Variants in RBFOX1 observed in about 807,000 individuals in gnomAD.
The protein encoded by RBFOX1 is RNA binding fox-1 homolog 1.
A neutral mutation model predicts 57.7 loss-of-function variants in RBFOX1; 8 were observed. The observed-to-expected ratio is 0.14, with a 90% CI of 0.08 to 0.25. The LOEUF (loss-of-function observed/expected upper bound fraction) is 0.25. RBFOX1 is among the 10% of genes least tolerant of loss of function. The probability of loss-of-function intolerance (pLI) is 1.00; values close to 1 mark genes in which losing one functional copy is unlikely to be tolerated. For synonymous variants in RBFOX1, 326 were observed against 222.4 expected (o/e 1.47, Z -4.15); for missense variants, 611 against 548.5 (o/e 1.11, Z -1.14).
At chr16:7,333,609 A>G (rs763525779) in intron 4 of RBFOX1, among the ~76,000 whole-genome samples, 1 of 152,212 alleles carries the variant, frequency 6.6e-6, no homozygotes, top group African/African-American at 2.4e-5. Flanking sequence ...ATTGATGGGT[A>G]ATTTATGAAG....
At chr16:7,140,150 TTCTCTCCCTCTC>T (rs1394175675) in intron 4 of RBFOX1, among the ~76,000 whole-genome samples, 4 of 52,622 alleles carry the variant, frequency 7.6e-5, no homozygotes, top group African/African-American at 3.4e-4. Context: ...TATTCTCTCC[TTCTCTCCCTCTC>T]TCTCTCTCTC....
chr16:7,600,911 C>G (rs1173517586), intron 9 of RBFOX1, among the ~76,000 whole-genome samples: 1 of 152,158 alleles, frequency 6.6e-6, no homozygotes, highest in Non-Finnish European at 1.5e-5. Context: ...TCTGGACATT[C>G]TATTAAAAAG....
chr16:7,187,503 C>T (rs1280455399), intron 4 of RBFOX1, among the ~76,000 whole-genome samples: 1 of 151,236 alleles, frequency 6.6e-6, no homozygotes, highest in East Asian at 2.0e-4. Flanking sequence ...TCCTGGCTAA[C>T]ACAGTGAAAC....
At chr16:6,532,097 A>G (rs1462612883) in intron 2 of RBFOX1, among the ~76,000 whole-genome samples, 1 of 152,190 alleles carries the variant, frequency 6.6e-6, no homozygotes, top group Non-Finnish European at 1.5e-5. Context: ...CCAGAAGAGC[A>G]CATCCCATTG....
chr16:7,308,737 G>C (rs1430413298), intron 4 of RBFOX1, among the ~76,000 whole-genome samples: 1 of 152,192 alleles, frequency 6.6e-6, no homozygotes, highest in African/African-American at 2.4e-5. Flanking sequence ...TCTCAGTTCA[G>C]GGAATCACCT....
At chr16:5,942,926 C>T (rs2059310679) in intron 4 of RBFOX1, among the ~76,000 whole-genome samples, 1 of 152,222 alleles carries the variant, frequency 6.6e-6, no homozygotes, top group Admixed American at 6.5e-5. Flanking sequence ...ATGTCCCTGT[C>T]TGGTGCTGAG....
chr16:7,087,974 C>T (rs536462544), intron 4 of RBFOX1, among the ~76,000 whole-genome samples: 8 of 152,206 alleles, frequency 5.3e-5, no homozygotes, highest in Admixed American at 2.0e-4. Context: ...CCAGAGTAAT[C>T]GCATTTTGTG....
chr16:6,395,990 C>A lies in RBFOX1; in HGVS notation c.-64+78933C>A, dbSNP rs6500779. Among the ~76,000 whole-genome samples, 3 of 144,270 alleles carry A rather than the reference C, an allele frequency of 2.1e-5. No individual in the cohort carries two copies. In the East Asian group the frequency reaches 6.4e-4, roughly 31 times the overall value. The allele number at this position is 144,270 out of a possible 152,430, so 94.6% of individuals were successfully genotyped here. A position where few individuals can be genotyped will look rare whatever the true frequency, so the allele number is the denominator to read the frequency against. On this transcript the variant is annotated intron_variant, in intron 2 of 15. Transcript: ENST00000550418. ...CTGAGGCAGTAGAATTACTTGAATC[C>A]GGGAGGTGGAAGTTGCAGTGAGCTG... is the stretch of plus-strand genomic sequence containing the variant.
chr16:7,690,669 C>A (rs1023507546), intron 14 of RBFOX1, among the ~76,000 whole-genome samples: 2 of 8,926 alleles, frequency 2.2e-4, no homozygotes, highest in Non-Finnish European at 2.2e-3. Context: ...TTGTTCTGAT[C>A]TTTTAATTTT....
intron 2 of RBFOX1, among the ~76,000 whole-genome samples, chr16:6,533,848 G>A (rs781513424): frequency 1.3e-5 from 2 of 152,038 alleles, no homozygotes; most frequent in African/African-American, 2.4e-5. Flanking sequence ...AACACAGTAC[G>A]TACTAAACAT....
rs1424118158 is a variant in RBFOX1, at chr16:6,478,412, TATATATATATATATA to T, written c.-64+161356_-64+161370del. The stretch of plus-strand genomic sequence containing the variant: ...TAATATATATATATATATATATATA[TATATATATATATATA>T]TATTTTTTTTTTTTTTTTTTGTATT... On this transcript the variant is annotated intron_variant, in intron 2 of 15. Transcript: ENST00000550418. Among the ~76,000 whole-genome samples the T allele has an allele frequency of 1.5e-3, 35 of 24,058 alleles. 1 individual carries two copies. Among genetic ancestry groups the T allele is most frequent in the African/African-American group, 3.6e-3 (16 of 4,464 alleles). The allele number at this position is 24,058 out of a possible 152,430, so 15.8% of individuals were successfully genotyped here. A position where few individuals can be genotyped will look rare whatever the true frequency, so the allele number is the denominator to read the frequency against.
chr16:7,661,654 T>C (rs1197167294), intron 12 of RBFOX1, among the ~76,000 whole-genome samples: 8 of 152,228 alleles, frequency 5.3e-5, no homozygotes, highest in Admixed American at 5.2e-4. Context: ...CTGTACACTC[T>C]GGGAGGGCAG....
chr16:7,504,737 A>ATTTATATATATATATATT (rs1555526321), intron 4 of RBFOX1, among the ~76,000 whole-genome samples: 3 of 6,492 alleles, frequency 4.6e-4, no homozygotes, highest in African/African-American at 1.1e-3. Context: ...ATATATATAT[A>ATTTATATATATATATATT]TATATATATA....
At chr16:6,213,573 G>C (rs572176034) in intron 1 of RBFOX1, among the ~76,000 whole-genome samples, 1 of 152,290 alleles carries the variant, frequency 6.6e-6, no homozygotes, top group Admixed American at 6.5e-5. Context: ...CTGAAAAGTT[G>C]CGTAAGTCAT....
At chr16:7,577,362 C>A (rs2093420078) in intron 5 of RBFOX1, among the ~76,000 whole-genome samples, 1 of 152,150 alleles carries the variant, frequency 6.6e-6, no homozygotes, top group African/African-American at 2.4e-5. Context: ...CATGCCTCAT[C>A]TGACCAGTGG....
At chr16:6,017,120 G>A (rs2094998870), upstream of RBFOX1, among the ~76,000 whole-genome samples, 1 of 152,094 alleles carries the variant, frequency 6.6e-6, no homozygotes, top group African/African-American at 2.4e-5. Flanking sequence ...ATATATATAT[G>A]TATTAAAAAT....
At chr16:6,534,910 C>A (rs2096714458) in intron 2 of RBFOX1, among the ~76,000 whole-genome samples, 1 of 152,118 alleles carries the variant, frequency 6.6e-6, no homozygotes, top group Non-Finnish European at 1.5e-5. Context: ...AGTGGTCAAG[C>A]CTGGTCATAT....
intron 4 of RBFOX1, among the ~76,000 whole-genome samples, chr16:7,443,483 G>A (rs986826170): frequency 6.8e-6 from 1 of 147,392 alleles, no homozygotes; most frequent in Non-Finnish European, 1.5e-5. Context: ...TTCAGCGTTT[G>A]ACTGGTAGGC....
intron 1 of RBFOX1, among the ~76,000 whole-genome samples, chr16:6,304,057 G>C (rs1168139293): frequency 3.3e-5 from 5 of 149,934 alleles, no homozygotes; most frequent in African/African-American, 1.2e-4. Flanking sequence ...TGATCTGCCT[G>C]CCTGGGCCTC....
Sources: gnomAD v4.1 joint callset for allele counts (sites outside exome capture counted in the v4.1 genomes callset) on GRCh38, gnomAD v4.1.1 for gene constraint, MANE v1.5 for transcripts, NCBI Gene and HGNC (gene_info 2026-07-23, HGNC 2026-07-21) for gene names.